LSAMP: variants seen among roughly 807,000 people sequenced by gnomAD.
LSAMP encodes the protein limbic system associated membrane protein, also known as limbic system-associated membrane protein.
Under a neutral mutation model 38.6 loss-of-function variants are expected in LSAMP, and 7 were observed. The observed-to-expected ratio is 0.18, with a 90% CI of 0.10 to 0.34. The LOEUF (loss-of-function observed/expected upper bound fraction) is 0.34. Ranked by LOEUF, LSAMP falls within the 10% of genes least tolerant of loss-of-function variation. The pLI is 1.00. For synonymous variants in LSAMP, 154 were observed against 166.8 expected (o/e 0.92, Z 0.59); for missense variants, 313 against 420.0 (o/e 0.75, Z 2.23).
chr3:115,990,187 T>C (rs145562939), intron 3 of LSAMP, among the ~76,000 whole-genome samples: 1 of 152,196 alleles, frequency 6.6e-6, no homozygotes, highest in African/African-American at 2.4e-5. Context: ...GTCAGTGAGA[T>C]AGAAATCTCC....
intron 1 of LSAMP, among the ~76,000 whole-genome samples, chr3:116,254,850 T>A (rs1158359353): frequency 6.6e-6 from 1 of 152,184 alleles, no homozygotes; most frequent in Non-Finnish European, 1.5e-5. Context: ...CCAAGAATTT[T>A]AAATTTTGCA....
chr3:116,076,993 G>A (rs974956232), intron 2 of LSAMP, among the ~76,000 whole-genome samples: 1 of 151,640 alleles, frequency 6.6e-6, no homozygotes, highest in Non-Finnish European at 1.5e-5. Flanking sequence ...TCAGATAAAT[G>A]CACAAGTTAC....
chr3:116,046,434 A>C (rs1235865012), intron 2 of LSAMP, among the ~76,000 whole-genome samples: 2 of 152,350 alleles, frequency 1.3e-5, no homozygotes, highest in Admixed American at 1.3e-4. Flanking sequence ...TACAGCTTGC[A>C]GAGCAATTGT....
At chr3:116,328,006 C>T (rs1451535889) in intron 1 of LSAMP, among the ~76,000 whole-genome samples, 1 of 152,084 alleles carries the variant, frequency 6.6e-6, no homozygotes, top group African/African-American at 2.4e-5. Flanking sequence ...TTTCACTCAC[C>T]TCCCTTCTCT....
chr3:116,208,423 G>C (rs2046100789), intron 1 of LSAMP, among the ~76,000 whole-genome samples: 1 of 152,196 alleles, frequency 6.6e-6, no homozygotes, highest in Admixed American at 6.5e-5. Flanking sequence ...TCTCCGTCTA[G>C]CTTTGTTCCG....
intron 3 of LSAMP, among the ~76,000 whole-genome samples, chr3:115,996,448 G>C (rs1156255076): frequency 6.6e-6 from 1 of 152,012 alleles, no homozygotes; most frequent in African/African-American, 2.4e-5. Context: ...CAAAATCATT[G>C]CTTTACAGTA....
intron 3 of LSAMP, among the ~76,000 whole-genome samples, chr3:115,954,525 T>G (rs1938392517): frequency 1.3e-5 from 2 of 152,220 alleles, no homozygotes; most frequent in Non-Finnish European, 1.5e-5. Flanking sequence ...ACAGAAAAAG[T>G]ACAAAAGTCT....
At chr3:116,417,917 A>G (rs1410861989) in intron 1 of LSAMP, among the ~76,000 whole-genome samples, 1 of 152,140 alleles carries the variant, frequency 6.6e-6, no homozygotes, top group African/African-American at 2.4e-5. Flanking sequence ...AAAGGCCTGC[A>G]CCCTTTTACA....
intron 1 of LSAMP, among the ~76,000 whole-genome samples, chr3:116,383,092 T>A (rs904598186): frequency 6.6e-6 from 1 of 152,102 alleles, no homozygotes; most frequent in African/African-American, 2.4e-5. Flanking sequence ...GCTATATTGA[T>A]CCAAAGCATT....
At chr3:116,115,665 A>AAAAACAAAAAAC (rs1181956323) in intron 1 of LSAMP, among the ~76,000 whole-genome samples, 2 of 152,114 alleles carry the variant, frequency 1.3e-5, no homozygotes, top group Admixed American at 6.6e-5. Flanking sequence ...AGTGAAGGCA[A>AAAAACAAAAAAC]AAAACAAAAA....
chr3:116,206,867 A>G lies in LSAMP; in HGVS notation c.156-120311T>C, dbSNP rs1025411850. ...AATAGGTGTGCTGTGGTGCTGAAAA[A>G]AATGTATATTCTGTTGATTTGGGGT... On this transcript the variant is annotated intron_variant, in intron 1 of 6. Transcript: ENST00000490035. Among the ~76,000 whole-genome samples the G allele has an allele frequency of 2.3e-3, 341 of 150,946 alleles. 1 individual carries two copies. Among genetic ancestry groups the G allele is most frequent in the African/African-American group, 8.0e-3 (329 of 41,150 alleles).
intron 3 of LSAMP, among the ~76,000 whole-genome samples, chr3:115,868,729 T>A (rs1935931262): frequency 1.3e-5 from 2 of 152,184 alleles, no homozygotes; most frequent in South Asian, 2.1e-4. Flanking sequence ...CATAAAGATT[T>A]AATCTTCTTT....
At chr3:116,319,100 A>G (rs1454033740) in intron 1 of LSAMP, among the ~76,000 whole-genome samples, 1 of 152,170 alleles carries the variant, frequency 6.6e-6, no homozygotes, top group Non-Finnish European at 1.5e-5. Context: ...TAATTAGTAA[A>G]CTGAATTCAT....
At chr3:116,427,883 C>G (rs2049224985) in intron 1 of LSAMP, among the ~76,000 whole-genome samples, 1 of 152,170 alleles carries the variant, frequency 6.6e-6, no homozygotes, top group African/African-American at 2.4e-5. Flanking sequence ...AGCTGATGTT[C>G]CCAGGTAACT....
intron 1 of LSAMP, among the ~76,000 whole-genome samples, chr3:116,290,609 A>T (rs1576485987): frequency 6.6e-6 from 1 of 151,790 alleles, no homozygotes; most frequent in South Asian, 2.1e-4. Flanking sequence ...GTGTGCCTGT[A>T]ATCCCAGCTA....
chr3:116,177,249 G>A (rs1388606461), intron 1 of LSAMP, among the ~76,000 whole-genome samples: 1 of 152,048 alleles, frequency 6.6e-6, no homozygotes, highest in Non-Finnish European at 1.5e-5. Context: ...AATTTCCAAG[G>A]CTGACATCTC....
At chr3:116,091,062 G>T (rs1409392319) in intron 1 of LSAMP, among the ~76,000 whole-genome samples, 1 of 152,164 alleles carries the variant, frequency 6.6e-6, no homozygotes, top group African/African-American at 2.4e-5. Context: ...TCTCACCTCT[G>T]CAATCTCGAC....
At position 116,204,458 on chromosome 3, in the gene LSAMP, A is replaced by C. The variant is rs1427377576; in HGVS notation, c.156-117902T>G. Among the ~76,000 whole-genome samples, 5 of 152,108 alleles carry C rather than the reference A, an allele frequency of 3.3e-5. No homozygotes were observed. The South Asian group carries it at 1.0e-3, about 32-fold the overall frequency. ...TTATTGCCATTGCTTTTGGTGTTTT[A>C]GACATGAAGTCCTTGCCCATGCCTA... On this transcript the variant is annotated intron_variant, in intron 1 of 6. Coordinates refer to ENST00000490035, the MANE Select transcript of LSAMP (RefSeq NM_002338.5).
chr3:116,113,404 ATATATATATATATATATTTTTTTT>A (rs1708662423), intron 1 of LSAMP, among the ~76,000 whole-genome samples: 1 of 66,980 alleles, frequency 1.5e-5, no homozygotes, highest in South Asian at 6.6e-4. Context: ...TTTGCCCTAT[ATATATATATATATATATTTTTTTT>A]TTTTTTTTTT....
Sources: gnomAD v4.1 joint callset for allele counts (sites outside exome capture counted in the v4.1 genomes callset) on GRCh38, gnomAD v4.1.1 for gene constraint, MANE v1.5 for transcripts, NCBI Gene and HGNC (gene_info 2026-07-23, HGNC 2026-07-21) for gene names.